Variants in RBM20 observed in about 807,000 individuals in gnomAD.
RBM20 encodes RNA-binding protein 20.
RBM20 carries 51 observed loss-of-function variants against 110.1 expected under a neutral mutation model. The observed-to-expected ratio is 0.46, with a 90% CI of 0.37 to 0.59. The LOEUF is 0.59. RBM20 is among the 20% of genes least tolerant of loss of function. The pLI is 0.00. For missense variants in RBM20, 1,512 were observed against 1,574.9 expected, an observed-to-expected ratio of 0.96 and a Z score of 0.68; for synonymous variants, 589 against 618.2, an observed-to-expected ratio of 0.95 and a Z score of 0.70.
intron 5 of RBM20, among the ~76,000 whole-genome samples, chr10:110,793,969 TGGGAATTACTGCGTAGCA>T (rs1326807741): frequency 6.6e-6 from 1 of 152,224 alleles, no homozygotes; most frequent in Non-Finnish European, 1.5e-5. Flanking sequence ...GAGCCCGGGT[TGGGAATTACTGCGTAGCA>T]TGGTGACGCT....
chr10:110,721,482 A>C (rs1028561684), intron 1 of RBM20, among the ~76,000 whole-genome samples: 2 of 152,086 alleles, frequency 1.3e-5, no homozygotes, highest in African/African-American at 4.8e-5. Context: ...TCTGCCATGG[A>C]GGGACGGGAC....
At chr10:110,723,570 T>C (rs1173630357) in intron 1 of RBM20, among the ~76,000 whole-genome samples, 2 of 152,236 alleles carry the variant, frequency 1.3e-5, no homozygotes, top group East Asian at 3.8e-4. Flanking sequence ...TTCCAATTTT[T>C]CCACATTCTT....
intron 1 of RBM20, among the ~76,000 whole-genome samples, chr10:110,755,378 A>G (rs1843908552): frequency 6.6e-6 from 1 of 152,152 alleles, no homozygotes; most frequent in Non-Finnish European, 1.5e-5. Context: ...CTTTCTCCCT[A>G]AATCAGCCTG....
At chr10:110,661,423 G>A (rs1862100189) in intron 1 of RBM20, among the ~76,000 whole-genome samples, 1 of 152,178 alleles carries the variant, frequency 6.6e-6, no homozygotes, top group Non-Finnish European at 1.5e-5. Flanking sequence ...GGTGGAGGGA[G>A]AGCAGCAGGC....
intron 1 of RBM20, among the ~76,000 whole-genome samples, chr10:110,773,788 G>A (rs778834726): frequency 6.6e-5 from 10 of 152,150 alleles, no homozygotes; most frequent in African/African-American, 1.7e-4. Context: ...CAGGCCTCTC[G>A]TGTCAGTTCT....
intron 1 of RBM20, among the ~76,000 whole-genome samples, chr10:110,773,298 G>A (rs1844218153): frequency 6.6e-6 from 1 of 152,204 alleles, no homozygotes; most frequent in Admixed American, 6.5e-5. Context: ...ACCACATGTG[G>A]ATGTCACTGG....
At chr10:110,666,016 A>AGG (rs1554888105) in intron 1 of RBM20, among the ~76,000 whole-genome samples, 2 of 148,902 alleles carry the variant, frequency 1.3e-5, no homozygotes, top group South Asian at 4.3e-4. Context: ...AGAGAGAGAG[A>AGG]GGGGAAGGAA....
chr10:110,791,344 A>G (rs921345932), intron 5 of RBM20, among the ~76,000 whole-genome samples: 14 of 152,064 alleles, frequency 9.2e-5, no homozygotes, highest in Non-Finnish European at 1.8e-4. Context: ...AGGCTGGAGC[A>G]CAGAAATCGT....
intron 1 of RBM20, among the ~76,000 whole-genome samples, chr10:110,662,660 G>A (rs1255962155): frequency 2.0e-5 from 3 of 152,114 alleles, no homozygotes; most frequent in Non-Finnish European, 4.4e-5. Context: ...CCTATTATAG[G>A]ATCTATCCCA....
intron 5 of RBM20, among the ~76,000 whole-genome samples, chr10:110,788,738 G>A (rs1334193955): frequency 6.6e-6 from 1 of 152,230 alleles, no homozygotes; most frequent in African/African-American, 2.4e-5. Flanking sequence ...TCTCCTTTAA[G>A]TAGCAGAAGA....
intron 7 of RBM20, among the ~76,000 whole-genome samples, chr10:110,807,239 G>T (rs976123976): frequency 1.3e-5 from 2 of 152,200 alleles, no homozygotes; most frequent in Admixed American, 6.5e-5. Flanking sequence ...CAGCCCAGGG[G>T]CCCCCTCACT....
At chr10:110,666,304 C>T (rs555460140) in intron 1 of RBM20, among the ~76,000 whole-genome samples, 2 of 152,244 alleles carry the variant, frequency 1.3e-5, no homozygotes, top group African/African-American at 2.4e-5. Flanking sequence ...TTTCAGATGT[C>T]CTTAAATTTA....
rs914334551 is a variant in RBM20, at chr10:110,739,849, C to T, written c.192-40952C>T. Among the ~76,000 whole-genome samples, 11 of 152,212 alleles carry T rather than the reference C, an allele frequency of 7.2e-5. No individual in the cohort carries two copies. Among genetic ancestry groups the T allele is most frequent in the Admixed American group, 7.2e-4 (11 of 15,284 alleles). On this transcript the variant is annotated intron_variant, in intron 1 of 13. Coordinates refer to ENST00000369519, the MANE Select transcript of RBM20 (RefSeq NM_001134363.3). The surrounding 1 kb of genome is among the most constrained non-coding windows in gnomAD (Gnocchi z 4.1). ...TGAAGGCATGAGGCTTCTGTGCGAC[C>T]TGGGTGACTAACACAGCCCACAAGC...
At chr10:110,722,612 C>T (rs747854431) in intron 1 of RBM20, among the ~76,000 whole-genome samples, 1 of 152,130 alleles carries the variant, frequency 6.6e-6, no homozygotes, top group Non-Finnish European at 1.5e-5. Context: ...AATATTAAAA[C>T]ATTACACATA....
In RBM20 at chr10:110,780,746, C is replaced by T. The variant is rs1844326355; in HGVS notation, c.192-55C>T. On this transcript the variant is annotated intron_variant, in intron 1 of 13. Coordinates refer to ENST00000369519, the MANE Select transcript of RBM20 (RefSeq NM_001134363.3). The stretch of plus-strand genomic sequence containing the variant: ...GGACCACAGATAACAAAGAACAGCC[C>T]CTTGCCCCCCTCATTGAAAACCAGC... 5 of 1,464,976 alleles carry T rather than the reference C, an allele frequency of 3.4e-6. No individual in the cohort carries two copies. In the South Asian group the frequency reaches 5.7e-5, roughly 17 times the overall value. The allele number at this position is 1,464,976 out of a possible 1,614,324, so 90.7% of individuals were successfully genotyped here.
chr10:110,806,754 A>G (rs1255613575), intron 7 of RBM20, among the ~76,000 whole-genome samples: 1 of 152,198 alleles, frequency 6.6e-6, no homozygotes, highest in African/African-American at 2.4e-5. Flanking sequence ...AATTTTCTAC[A>G]ATGAAAAGGT....
chr10:110,796,872 G>T (rs997242139), intron 5 of RBM20, among the ~76,000 whole-genome samples: 1 of 152,106 alleles, frequency 6.6e-6, no homozygotes, highest in African/African-American at 2.4e-5. Flanking sequence ...GGACATTCAG[G>T]CTGTTCCCCC....
intron 1 of RBM20, among the ~76,000 whole-genome samples, chr10:110,747,723 G>A (rs1843799507): frequency 6.6e-6 from 1 of 152,146 alleles, no homozygotes; most frequent in South Asian, 2.1e-4. Flanking sequence ...TTTAATCTGG[G>A]TTTTCCTTGC....
chr10:110,791,936 GCCCATCAACA>G (rs984949889), intron 5 of RBM20, among the ~76,000 whole-genome samples: 8 of 152,204 alleles, frequency 5.3e-5, no homozygotes, highest in African/African-American at 1.9e-4. Flanking sequence ...AGCAGACAGA[GCCCATCAACA>G]CCTTGACCTG....
Sources: gnomAD v4.1 joint callset for allele counts (sites outside exome capture counted in the v4.1 genomes callset) on GRCh38, gnomAD v4.1.1 for gene constraint, Gnocchi (gnomAD v3.1) non-coding constraint, MANE v1.5 for transcripts, NCBI Gene and HGNC (gene_info 2026-07-23, HGNC 2026-07-21) for gene names.